YAE1: variants seen among roughly 807,000 people sequenced by gnomAD.
YAE1 encodes the protein YAE1 maturation factor of ABCE1, also known as protein YAE1 homolog.
YAE1 carries 22 observed loss-of-function variants against 23.0 expected under a neutral mutation model. The observed-to-expected ratio is 0.96, with a 90% CI of 0.68 to 1.37. The LOEUF is 1.37. YAE1 is among the 40% of genes most tolerant of loss of function. YAE1 has a pLI of 0.00. For missense variants in YAE1, 260 were observed against 262.1 expected (o/e 0.99, Z 0.06); for synonymous variants, 101 against 97.0 (o/e 1.04, Z -0.24).
At chr7:39,601,468 A>G (rs2115842988) in intron 2 of YAE1, among the ~76,000 whole-genome samples, 1 of 152,200 alleles carries the variant, frequency 6.6e-6, no homozygotes, top group African/African-American at 2.4e-5. Context: ...TGTAACAATA[A>G]ACTATAAAGG....
chr7:39,608,970 T>A (rs1201296207), intron 2 of YAE1, among the ~76,000 whole-genome samples: 1 of 152,236 alleles, frequency 6.6e-6, no homozygotes. Flanking sequence ...AAGCCTGACA[T>A]GAGCTTAATG....
rs17851965 is a variant in YAE1 at position 39,566,481 on chromosome 7, C to T, written c.63C>T (p.Asp21=). 1 of 1,614,158 alleles carries T rather than the reference C, an allele frequency of 6.2e-7. No individual in the cohort carries two copies. The highest frequency in any genetic ancestry group is 8.5e-7 in the Non-Finnish European group (1 of 1,180,026). ...QGPGDKGDVF[D]EEADESLLAQ... ...CTGGAGACAAAGGGGACGTGTTTGACGAAGAAGCAGACGAGTCGCTCCTGG... is the reference window on the plus strand; with the variant it reads ...CTGGAGACAAAGGGGACGTGTTTGATGAAGAAGCAGACGAGTCGCTCCTGG... The change falls in exon 1 of 3, where the codon GAC becomes GAT. Residue 21 remains aspartate (D), a synonymous_variant. Coordinates refer to ENST00000223273, the MANE Select transcript of YAE1 (RefSeq NM_020192.5).
downstream of YAE1, among the ~76,000 whole-genome samples, chr7:39,573,513 C>A (rs375988381): frequency 2.6e-5 from 4 of 152,060 alleles, no homozygotes; most frequent in African/African-American, 9.7e-5. Context: ...CAAATTTTTA[C>A]TCCAGGATCT....
Position 39,572,661 on chromosome 7 carries a change from G to T in YAE1, c.636G>T (p.Gln212His). 1 of 1,611,032 alleles carries T rather than the reference G, an allele frequency of 6.2e-7. No individual in the cohort carries two copies. The highest frequency in any genetic ancestry group is 8.5e-7 in the Non-Finnish European group (1 of 1,179,100). The change falls in exon 3 of 3, where the codon CAG becomes CAT. Residue 212 changes from glutamine (Q) to histidine (H), a missense_variant. Coordinates refer to ENST00000223273, the MANE Select transcript of YAE1 (RefSeq NM_020192.5). ...ILEQTASLVK[Q>H]LGLSVDVLQH... ...AACAGACAGCCAGTTTAGTTAAACA[G>T]CTGGGCCTATCAGTAGATGTATTAC...
intron 2 of YAE1, among the ~76,000 whole-genome samples, chr7:39,603,852 T>G (rs2115848097): frequency 6.6e-6 from 1 of 152,260 alleles, no homozygotes; most frequent in Non-Finnish European, 1.5e-5. Flanking sequence ...GGAAGTTGGA[T>G]TTGGAGAAAG....
At chr7:39,581,951 G>A (rs1790749062) in intron 2 of YAE1, among the ~76,000 whole-genome samples, 1 of 151,658 alleles carries the variant, frequency 6.6e-6, no homozygotes, top group Non-Finnish European at 1.5e-5. Context: ...TTTAAGAGAT[G>A]GAGTCTCACT....
chr7:39,577,421 T>G (rs1360097112), downstream of YAE1, among the ~76,000 whole-genome samples: 1 of 152,040 alleles, frequency 6.6e-6, no homozygotes, highest in Admixed American at 6.5e-5. Flanking sequence ...ACCGGCTCCC[T>G]CCCCTCCCAG....
downstream of YAE1, among the ~76,000 whole-genome samples, chr7:39,610,964 G>A (rs1187666405): frequency 3.3e-5 from 5 of 151,966 alleles, no homozygotes; most frequent in African/African-American, 7.2e-5. Context: ...CCTGGCCAAC[G>A]TGGAGAAACC....
intron 2 of YAE1, among the ~76,000 whole-genome samples, chr7:39,592,495 A>C (rs1007588065): frequency 1.3e-4 from 20 of 152,214 alleles, no homozygotes; most frequent in African/African-American, 4.8e-4. Flanking sequence ...GATTTAACCC[A>C]TGGCAAACCC....
At chr7:39,575,575 A>AGAGAGAGAGAGAGAGAGAGAGTGAGT (rs1339594299), downstream of YAE1, among the ~76,000 whole-genome samples, 1 of 81,722 alleles carries the variant, frequency 1.2e-5, no homozygotes, top group African/African-American at 7.3e-5. Flanking sequence ...AGAGAGAGAG[A>AGAGAGAGAGAGAGAGAGAGAGTGAGT]GAGTGAGTGT....
chr7:39,586,877 T>A (rs1023574913), intron 2 of YAE1, among the ~76,000 whole-genome samples: 1 of 152,206 alleles, frequency 6.6e-6, no homozygotes, highest in African/African-American at 2.4e-5. Context: ...GGAGTACTTA[T>A]CTTACAGATG....
At chr7:39,585,939 C>CA (rs1013041102) in intron 2 of YAE1, among the ~76,000 whole-genome samples, 6 of 151,918 alleles carry the variant, frequency 3.9e-5, no homozygotes, top group South Asian at 4.2e-4. Context: ...CTCATCTCTA[C>CA]AAAAAAATAC....
chr7:39,609,706 TC>T lies in YAE1; in HGVS notation c.345del (p.Gly116AlafsTer20), dbSNP rs1265829031. On this transcript the variant is annotated frameshift_variant, in exon 3 of 3. Coordinates refer to the YAE1 transcript ENST00000432096. LOFTEE classifies it low-confidence loss of function (END_TRUNC). ...CAACTACTGCCGCGTCCCCTCCCGG[TC>T]CCCGGCCACATGGCGAGCGGGGCGA... The T allele has an allele frequency of 1.3e-6, 2 of 1,535,594 alleles. No individual in the cohort carries two copies. Among genetic ancestry groups the T allele is most frequent in the Non-Finnish European group, 1.7e-6 (2 of 1,146,854 alleles).
chr7:39,593,173 A>ATTTGTTTTTTTT (rs1790924411), intron 2 of YAE1, among the ~76,000 whole-genome samples: 1 of 40,064 alleles, frequency 2.5e-5, no homozygotes, highest in Non-Finnish European at 4.9e-5. Context: ...CCATTTGGTT[A>ATTTGTTTTTTTT]TTTCTTTTTT....
At chr7:39,581,214 C>G (rs1489384221) in intron 2 of YAE1, among the ~76,000 whole-genome samples, 1 of 152,186 alleles carries the variant, frequency 6.6e-6, no homozygotes, top group Non-Finnish European at 1.5e-5. Flanking sequence ...AAATACAACT[C>G]TAGAATAGTT....
intron 1 of YAE1, among the ~76,000 whole-genome samples, chr7:39,567,394 C>G (rs1471419664): frequency 6.6e-6 from 1 of 152,118 alleles, no homozygotes; most frequent in Non-Finnish European, 1.5e-5. Context: ...AAATCACTAC[C>G]CACAGAGCTT....
intron 2 of YAE1, among the ~76,000 whole-genome samples, chr7:39,607,960 C>T (rs962606690): frequency 4.6e-5 from 7 of 152,178 alleles, no homozygotes; most frequent in Admixed American, 1.3e-4. Context: ...TGAGCCAGGG[C>T]GCCTGGCCGT....
chr7:39,583,285 G>A (rs773520846), intron 2 of YAE1, among the ~76,000 whole-genome samples: 1 of 152,154 alleles, frequency 6.6e-6, no homozygotes, highest in Non-Finnish European at 1.5e-5. Flanking sequence ...ATAAAACTCT[G>A]GGAGTGCCTG....
chr7:39,592,330 C>T (rs938819607), intron 2 of YAE1, among the ~76,000 whole-genome samples: 4 of 151,204 alleles, frequency 2.6e-5, no homozygotes, highest in African/African-American at 9.9e-5. Context: ...GGCTTCATAT[C>T]CTCATCAGTA....
Sources: allele counts gnomAD v4.1 joint callset (sites outside exome capture counted in the v4.1 genomes callset), GRCh38; gene constraint gnomAD v4.1.1; transcripts MANE v1.5; gene names NCBI Gene and HGNC (gene_info 2026-07-23, HGNC 2026-07-21).